Variants in OSBPL1A observed in about 807,000 individuals in gnomAD.
OSBPL1A encodes oxysterol binding protein like 1A.
A neutral mutation model predicts 137.1 loss-of-function variants in OSBPL1A; 80 were observed. That is an observed-to-expected ratio of 0.58 (90% CI 0.49 to 0.70). The LOEUF is 0.70. Among genes scored for constraint, OSBPL1A ranks in the 30% least tolerant of loss-of-function variants. The pLI is 0.00. For missense variants in OSBPL1A, 970 were observed against 1,129.4 expected (o/e 0.86, Z 2.02); for synonymous variants, 365 against 389.7 (o/e 0.94, Z 0.75).
chr18:24,274,233 CAAAAAAAAAA>C (rs5823419), intron 15 of OSBPL1A, among the ~76,000 whole-genome samples: 1 of 110,392 alleles, frequency 9.1e-6, no homozygotes, highest in African/African-American at 3.3e-5. Context: ...GACTCCTTCA[CAAAAAAAAAA>C]AAAAAAAAAT....
chr18:24,382,963 A>G (rs968756540), intron 1 of OSBPL1A, among the ~76,000 whole-genome samples: 6 of 152,222 alleles, frequency 3.9e-5, no homozygotes, highest in African/African-American at 1.4e-4. Context: ...GACAGATGGT[A>G]CTTATATAGA....
chr18:24,296,018 A>AT (rs986711710), intron 14 of OSBPL1A, among the ~76,000 whole-genome samples: 12 of 151,616 alleles, frequency 7.9e-5, no homozygotes, highest in African/African-American at 2.7e-4. Context: ...GAGTTTTAAG[A>AT]TTTTTTTTCT....
intron 13 of OSBPL1A, among the ~76,000 whole-genome samples, chr18:24,309,166 G>A (rs1004179998): frequency 6.6e-6 from 1 of 152,162 alleles, no homozygotes; most frequent in Non-Finnish European, 1.5e-5. Context: ...ATTGGACAGC[G>A]CAGTTCTATA....
chr18:24,321,056 GAAT>G (rs371085222), intron 7 of OSBPL1A, among the ~76,000 whole-genome samples: 2 of 147,524 alleles, frequency 1.4e-5, no homozygotes, highest in African/African-American at 2.5e-5. Flanking sequence ...GAAAAGAAAA[GAAT>G]AATAATAATA....
intron 17 of OSBPL1A, among the ~76,000 whole-genome samples, chr18:24,219,819 A>G (rs2087827972): frequency 6.6e-6 from 1 of 152,224 alleles, no homozygotes; most frequent in African/African-American, 2.4e-5. Flanking sequence ...TAAGCTGGGC[A>G]ACTCAACTTG....
chr18:24,365,032 A>C lies in OSBPL1A; in HGVS notation c.282+1860T>G, dbSNP rs1306463412. 9.3e-4 allele frequency among the ~76,000 whole-genome samples: 139 copies of C among 150,092 alleles called. 1 individual carries two copies. The highest frequency in any genetic ancestry group is 3.3e-3 in the African/African-American group (136 of 40,948). On this transcript the variant is annotated intron_variant, in intron 4 of 27. Coordinates refer to ENST00000319481, the MANE Select transcript of OSBPL1A (RefSeq NM_080597.4). ...TGTCTCAAAAAACAACAACAAAAAA[A>C]AAAAAAAAAAAAAAAATCCAGAAAC...
intron 18 of OSBPL1A, among the ~76,000 whole-genome samples, chr18:24,194,439 A>C (rs2086970522): frequency 6.6e-6 from 1 of 152,224 alleles, no homozygotes; most frequent in Non-Finnish European, 1.5e-5. Context: ...CTGGATCATA[A>C]AGGTAAACAT....
intron 17 of OSBPL1A, 117 bp downstream of exon 17, chr18:24,224,925 T>C (rs149281380): frequency 5.4e-6 from 7 of 1,307,088 alleles, no homozygotes; most frequent in Non-Finnish European, 7.4e-6. Flanking sequence ...TGAGGTGATA[T>C]AGCAATATAA....
At chr18:24,174,584 C>T (rs1250689759) in intron 21 of OSBPL1A, among the ~76,000 whole-genome samples, 1 of 152,072 alleles carries the variant, frequency 6.6e-6, no homozygotes, top group Admixed American at 6.6e-5. Flanking sequence ...GGATACTCAA[C>T]CTGTATGAGA....
intron 4 of OSBPL1A, among the ~76,000 whole-genome samples, chr18:24,349,056 A>C (rs2146168421): frequency 6.6e-6 from 1 of 152,186 alleles, no homozygotes; most frequent in East Asian, 1.9e-4. Flanking sequence ...AGTCCTGGCT[A>C]TTTGGGGGGC....
chr18:24,265,956 T>C (rs892788249), intron 15 of OSBPL1A, among the ~76,000 whole-genome samples: 9 of 152,142 alleles, frequency 5.9e-5, no homozygotes. Context: ...TCTCCCTGAG[T>C]TGTGCACAAG....
intron 4 of OSBPL1A, among the ~76,000 whole-genome samples, chr18:24,355,555 T>C (rs2091519437): frequency 6.6e-6 from 1 of 152,120 alleles, no homozygotes; most frequent in South Asian, 2.1e-4. Flanking sequence ...ATGGCACTTC[T>C]GGCCTCTTGA....
chr18:24,359,962 TTTTG>T (rs971153681), intron 4 of OSBPL1A, among the ~76,000 whole-genome samples: 70 of 152,118 alleles, frequency 4.6e-4, no homozygotes, highest in Middle Eastern at 3.4e-3. Context: ...TGCATGATTT[TTTTG>T]TTTGTTCTGT....
At chr18:24,359,566 C>T (rs1450723066) in intron 4 of OSBPL1A, among the ~76,000 whole-genome samples, 5 of 151,750 alleles carry the variant, frequency 3.3e-5, no homozygotes, top group East Asian at 1.9e-4. Context: ...CAGTGGCGCA[C>T]GCGTATAGTT....
At chr18:24,172,286 T>G in intron 22 of OSBPL1A, 90 bp downstream of exon 22, 1 of 992,130 alleles carries the variant, frequency 1.0e-6, no homozygotes, top group Non-Finnish European at 1.6e-6. Context: ...AGAGCTTTTC[T>G]TTAAAAACAA....
chr18:24,194,197 A>G (rs755648399), intron 18 of OSBPL1A, among the ~76,000 whole-genome samples: 37 of 152,236 alleles, frequency 2.4e-4, no homozygotes, highest in Non-Finnish European at 4.4e-4. Flanking sequence ...ATGTTCATAC[A>G]AACTCCTTTG....
chr18:24,195,945 T>C (rs1373855562), intron 18 of OSBPL1A, 180 bp downstream of exon 18: 18 of 586,798 alleles, frequency 3.1e-5, no homozygotes, highest in Middle Eastern at 4.7e-4. Flanking sequence ...CTAAAGCCAT[T>C]AGAGCAGCTC....
intron 23 of OSBPL1A, among the ~76,000 whole-genome samples, 181 bp downstream of exon 23, chr18:24,171,228 G>A (rs1299056795): frequency 2.0e-5 from 3 of 151,052 alleles, no homozygotes; most frequent in Non-Finnish European, 4.4e-5. Context: ...TAGAGATGGG[G>A]TTTTACTATG....
intron 17 of OSBPL1A, among the ~76,000 whole-genome samples, chr18:24,197,205 C>T (rs778999091): frequency 2.6e-5 from 4 of 151,932 alleles, no homozygotes; most frequent in Non-Finnish European, 5.9e-5. Context: ...AAATCAGCCA[C>T]GTGTGGTAGT....
Sources: allele counts gnomAD v4.1 joint callset (sites outside exome capture counted in the v4.1 genomes callset), GRCh38; gene constraint gnomAD v4.1.1; transcripts MANE v1.5; gene names NCBI Gene and HGNC (gene_info 2026-07-23, HGNC 2026-07-21).